Variants in FER observed in about 807,000 individuals in gnomAD.
FER encodes the protein tyrosine-protein kinase Fer.
A neutral mutation model predicts 111.0 loss-of-function variants in FER; 63 were observed. The observed-to-expected ratio is 0.57, with a 90% confidence interval of 0.46 to 0.70. FER has a LOEUF of 0.70. Among genes scored for constraint, FER ranks in the 30% least tolerant of loss-of-function variants. The pLI is 0.00. For synonymous variants in FER, 327 were observed against 313.9 expected, an observed-to-expected ratio of 1.04 and a Z score of -0.44; for missense variants, 914 against 954.0, an observed-to-expected ratio of 0.96 and a Z score of 0.55.
intron 16 of FER, among the ~76,000 whole-genome samples, chr5:109,050,767 C>T (rs1375678996): frequency 1.3e-5 from 2 of 152,132 alleles, no homozygotes; most frequent in Non-Finnish European, 2.9e-5. Flanking sequence ...TAGCACAAGT[C>T]CATTGACACC....
chr5:109,087,601 T>A (rs1003762090), intron 16 of FER, among the ~76,000 whole-genome samples: 1 of 151,738 alleles, frequency 6.6e-6, no homozygotes, highest in Non-Finnish European at 1.5e-5. Context: ...TTTTAATCTC[T>A]GAACATATTC....
At chr5:108,843,038 G>A (rs1056226664) in intron 5 of FER, 1 of 152,196 alleles carries the variant, frequency 6.6e-6, no homozygotes, top group Non-Finnish European at 1.5e-5. Context: ...AAACTGTGGT[G>A]TATATAAGAG....
At position 109,159,915 on chromosome 5, in the gene FER, C is replaced by T. The variant is rs1561972485; in HGVS notation, c.2049-20832C>T. 2.0e-5 allele frequency among the ~76,000 whole-genome samples: 3 copies of T among 152,210 alleles called. No individual in the cohort carries two copies. In the East Asian group the frequency reaches 5.8e-4, roughly 29 times the overall value. ...AAAACCATTGACTAGTTTTGATTTACCTACCTTTTCTGTTTTCTTAGTGAT... is the reference window on the plus strand; with the variant it reads ...AAAACCATTGACTAGTTTTGATTTATCTACCTTTTCTGTTTTCTTAGTGAT... On this transcript the variant is annotated intron_variant, in intron 17 of 19. Coordinates refer to ENST00000281092, the MANE Select transcript of FER (RefSeq NM_005246.4).
chr5:109,167,093 C>G (rs1286375751), intron 17 of FER, among the ~76,000 whole-genome samples: 1 of 152,092 alleles, frequency 6.6e-6, no homozygotes, highest in African/African-American at 2.4e-5. Context: ...ACTATCTCTT[C>G]TTATAGAATT....
At chr5:109,130,348 G>GT (rs1752224590) in intron 17 of FER, among the ~76,000 whole-genome samples, 1 of 151,872 alleles carries the variant, frequency 6.6e-6, no homozygotes, top group Non-Finnish European at 1.5e-5. Context: ...TTCCTTCTCT[G>GT]TTGTACTACA....
At chr5:108,946,000 T>A in intron 10 of FER, 130 bp from the exon 11 acceptor site, 1 of 589,540 alleles carries the variant, frequency 1.7e-6, no homozygotes, top group East Asian at 2.7e-5. Context: ...ATCTTGAATG[T>A]CAGGAAGTTT....
intron 10 of FER, among the ~76,000 whole-genome samples, chr5:108,927,994 C>T (rs1057380686): frequency 1.2e-4 from 19 of 152,128 alleles, no homozygotes; most frequent in Non-Finnish European, 4.4e-5. Context: ...GACATAAAAC[C>T]TTATTTATCT....
At chr5:109,098,187 A>G (rs1747765202) in intron 16 of FER, among the ~76,000 whole-genome samples, 1 of 151,730 alleles carries the variant, frequency 6.6e-6, no homozygotes. Context: ...TTCATTATTT[A>G]ATGCTATTTA....
intron 11 of FER, among the ~76,000 whole-genome samples, chr5:108,950,227 T>A (rs1216239260): frequency 6.6e-6 from 1 of 152,120 alleles, no homozygotes; most frequent in East Asian, 1.9e-4. Flanking sequence ...TAATACAAGT[T>A]TTAGAAAGAA....
At chr5:108,988,896 CTTTCAGACTTTTTGATGTAGACA>C (rs1241958210) in intron 13 of FER, among the ~76,000 whole-genome samples, 1 of 151,982 alleles carries the variant, frequency 6.6e-6, no homozygotes, top group African/African-American at 2.4e-5. Context: ...TATTTGTACT[CTTTCAGACTTTTTGATGTAGACA>C]TTTAAGGAAC....
intron 3 of FER, among the ~76,000 whole-genome samples, chr5:108,799,341 A>T (rs1290907873): frequency 6.6e-6 from 1 of 152,224 alleles, no homozygotes; most frequent in South Asian, 2.1e-4. Context: ...TCACTATAGA[A>T]TGTTAAAAAA....
At chr5:108,930,123 A>G (rs1356407292) in intron 10 of FER, among the ~76,000 whole-genome samples, 1 of 151,976 alleles carries the variant, frequency 6.6e-6, no homozygotes, top group African/African-American at 2.4e-5. Context: ...GCAATTGCAG[A>G]TATTAACACA....
chr5:109,026,340 A>G (rs1396121966), intron 13 of FER, among the ~76,000 whole-genome samples: 1 of 152,190 alleles, frequency 6.6e-6, no homozygotes, highest in African/African-American at 2.4e-5. Flanking sequence ...TTTAGAATGA[A>G]TTTATAGAAC....
chr5:108,754,453 A>G (rs1429647530), intron 1 of FER, among the ~76,000 whole-genome samples: 2 of 151,792 alleles, frequency 1.3e-5, no homozygotes, highest in Middle Eastern at 3.2e-3. Flanking sequence ...ATTGTTAGTA[A>G]CAAGTACTGA....
intron 17 of FER, among the ~76,000 whole-genome samples, chr5:109,126,329 C>T (rs1415264164): frequency 6.6e-6 from 1 of 152,100 alleles, no homozygotes; most frequent in Non-Finnish European, 1.5e-5. Context: ...AGCCTTCATT[C>T]CTCTTAGAAG....
At chr5:108,952,554 G>A (rs150417484) in intron 11 of FER, among the ~76,000 whole-genome samples, 11 of 138,050 alleles carry the variant, frequency 8.0e-5, no homozygotes, top group Non-Finnish European at 1.2e-4. Context: ...ATAGGGGATG[G>A]GGAATAACAG....
intron 9 of FER, among the ~76,000 whole-genome samples, chr5:108,889,353 A>G (rs904552163): frequency 2.0e-5 from 3 of 151,928 alleles, no homozygotes; most frequent in Non-Finnish European, 4.4e-5. Flanking sequence ...TACACAATGG[A>G]CTACTATTCA....
At chr5:109,088,184 G>A (rs1315480967) in intron 16 of FER, among the ~76,000 whole-genome samples, 3 of 151,976 alleles carry the variant, frequency 2.0e-5, no homozygotes, top group Non-Finnish European at 4.4e-5. Flanking sequence ...GAAAGCATTT[G>A]ATTCTGAATT....
At chr5:108,820,000 A>G in intron 3 of FER, 2 of 985,396 alleles carry the variant, frequency 2.0e-6, no homozygotes, top group Non-Finnish European at 2.4e-6. Context: ...ACTACAGGAA[A>G]TAGAAAATAA....
Sources: allele counts gnomAD v4.1 joint callset (sites outside exome capture counted in the v4.1 genomes callset), GRCh38; gene constraint gnomAD v4.1.1; transcripts MANE v1.5; gene names NCBI Gene and HGNC (gene_info 2026-07-23, HGNC 2026-07-21).